The following MECOM variants were observed in gnomAD, a reference collection of about 807,000 sequenced individuals.
MECOM encodes MDS1 and EVI1 complex locus, also known as histone-lysine N-methyltransferase MECOM.
A neutral mutation model predicts 116.3 loss-of-function variants in MECOM; 13 were observed. The observed-to-expected ratio is 0.11, with a 90% CI of 0.07 to 0.18. MECOM has a LOEUF of 0.18. MECOM is among the 10% of genes least tolerant of loss of function. The pLI, the probability that MECOM is intolerant of heterozygous loss-of-function variation, is 1.00. For missense variants in MECOM, 1,299 were observed against 1,509.0 expected (o/e 0.86, Z 2.31); for synonymous variants, 528 against 535.2 (o/e 0.99, Z 0.19).
Position 169,116,123 on chromosome 3 carries a change from A to C in MECOM, c.1749T>G (p.Asp583Glu). The change falls in exon 8 of 17, where the codon GAT becomes GAG. Residue 583 changes from aspartate to glutamate, a missense_variant. Around this residue, in one of 6 missense-constraint regions of MECOM, gnomAD observed 238 missense variants for 273.1 expected, o/e 0.87. Transcript: ENST00000651503. ...ISDQSESSDLDDVSTPSGSDL... is the reference protein window; with the variant it reads ...ISDQSESSDLEDVSTPSGSDL... Reference sequence around the variant, plus strand: ...CACTGCCACTTGGTGTACTGACATCATCAAGGTCACTACTCTCTGACTGGT... The same window carrying C: ...CACTGCCACTTGGTGTACTGACATCCTCAAGGTCACTACTCTCTGACTGGT... The C allele has an allele frequency of 5.0e-6, 8 of 1,614,142 alleles. No homozygotes were observed. The highest frequency in any genetic ancestry group is 6.8e-6 in the Non-Finnish European group (8 of 1,180,020).
At chr3:169,584,546 A>C (rs571851730) in intron 1 of MECOM, among the ~76,000 whole-genome samples, 160 of 146,324 alleles carry the variant, frequency 1.1e-3, no homozygotes, top group African/African-American at 2.1e-3. Flanking sequence ...GCCTGGGCGA[A>C]AGAGCGAAAC....
At chr3:169,412,583 T>C (rs1294108099) in intron 1 of MECOM, among the ~76,000 whole-genome samples, 1 of 152,096 alleles carries the variant, frequency 6.6e-6, no homozygotes, top group South Asian at 2.1e-4. Context: ...AAAACAAGCA[T>C]CTTCCAAAGA....
At chr3:169,368,297 T>C (rs770244987) in intron 2 of MECOM, among the ~76,000 whole-genome samples, 1 of 152,070 alleles carries the variant, frequency 6.6e-6, no homozygotes, top group East Asian at 1.9e-4. Flanking sequence ...AATTTGCCTA[T>C]AGCTGAAATA....
intron 16 of MECOM, among the ~76,000 whole-genome samples, chr3:169,088,752 A>G (rs978629925): frequency 3.9e-5 from 6 of 152,188 alleles, no homozygotes; most frequent in African/African-American, 1.4e-4. Flanking sequence ...TCAAGGAAAG[A>G]TAAGTGTAGG....
intron 1 of MECOM, among the ~76,000 whole-genome samples, chr3:169,533,059 T>G (rs1415648680): frequency 6.6e-6 from 1 of 152,148 alleles, no homozygotes; most frequent in Non-Finnish European, 1.5e-5. Context: ...GTGAAGAAAT[T>G]TGTAATATAT....
intron 1 of MECOM, among the ~76,000 whole-genome samples, chr3:169,598,241 C>T (rs1432348278): frequency 6.6e-6 from 1 of 152,152 alleles, no homozygotes; most frequent in African/African-American, 2.4e-5. Context: ...AATAAACAAG[C>T]AATGTCCTTA....
At chr3:169,143,639 C>T in intron 3 of MECOM, 59 bp downstream of exon 3, 5 of 1,450,366 alleles carry the variant, frequency 3.4e-6, no homozygotes, top group Non-Finnish European at 4.6e-6. Context: ...TTTTATTCTT[C>T]AGGCTCCAGT....
chr3:169,231,504 T>C (rs1490890385), intron 2 of MECOM, among the ~76,000 whole-genome samples: 3 of 151,968 alleles, frequency 2.0e-5, no homozygotes, highest in Non-Finnish European at 4.4e-5. Flanking sequence ...ATGATGAAAT[T>C]AGGAGAAAAA....
chr3:169,259,817 T>G (rs964029574), intron 2 of MECOM, among the ~76,000 whole-genome samples: 1 of 152,256 alleles, frequency 6.6e-6, no homozygotes, highest in African/African-American at 2.4e-5. Context: ...ATGTGTTTGC[T>G]GAAAGCAGGG....
chr3:169,122,107 T>G (rs985980908), intron 6 of MECOM, among the ~76,000 whole-genome samples: 8 of 151,928 alleles, frequency 5.3e-5, no homozygotes, highest in African/African-American at 1.9e-4. Context: ...ACATTTTAAT[T>G]AGAACCAAGT....
Position 169,122,674 on chromosome 3 carries a change from T to C in MECOM, c.884A>G (p.Gln295Arg), listed in dbSNP as rs34896995. The C allele has an allele frequency of 3.6e-3, 5,821 of 1,614,076 alleles. 17 individuals are homozygous for C. The highest frequency in any genetic ancestry group is 4.5e-3 in the Non-Finnish European group (5,316 of 1,179,928). The change falls in exon 6 of 17, where the codon CAG (glutamine) becomes CGG (arginine). Residue 295 changes from glutamine to arginine, a missense_variant. Around this residue, in one of 6 missense-constraint regions of MECOM, gnomAD observed 374 missense variants for 433.4 expected, o/e 0.86. Coordinates refer to ENST00000651503, the MANE Select transcript of MECOM (RefSeq NM_004991.4). The part of the protein sequence containing the change: ...HTEEREYKCD[Q>R]CPKAFNWKSN... ...CTTCCAGTTAAATGCCTTGGGACAC[T>C]GATCACACTTGTATTCCCTCTCTTC...
intron 2 of MECOM, chr3:169,146,154 C>G: frequency 1.0e-6 from 1 of 956,500 alleles, no homozygotes; most frequent in Non-Finnish European, 1.3e-6. Context: ...AAAAAAAAAC[C>G]GTTTAGGTAG....
intron 2 of MECOM, among the ~76,000 whole-genome samples, chr3:169,199,384 G>C (rs1302638361): frequency 6.6e-6 from 1 of 151,886 alleles, no homozygotes; most frequent in African/African-American, 2.4e-5. Flanking sequence ...AAATGGAAGA[G>C]GAAACATGTT....
chr3:169,643,924 C>A (rs1286379884), intron 1 of MECOM, among the ~76,000 whole-genome samples: 1 of 152,174 alleles, frequency 6.6e-6, no homozygotes, highest in Non-Finnish European at 1.5e-5. Flanking sequence ...CCTCTGATAG[C>A]AACAAATGTA....
intron 1 of MECOM, among the ~76,000 whole-genome samples, chr3:169,510,686 C>T (rs1755857099): frequency 6.6e-6 from 1 of 152,186 alleles, no homozygotes; most frequent in African/African-American, 2.4e-5. Context: ...TCTATACTCT[C>T]CTCCCGATAA....
intron 2 of MECOM, among the ~76,000 whole-genome samples, chr3:169,144,325 G>A (rs903145981): frequency 6.6e-6 from 1 of 151,816 alleles, no homozygotes; most frequent in African/African-American, 2.4e-5. Context: ...CTTAATTGAA[G>A]GAGATAATAA....
rs895375579 is a variant in MECOM at position 169,242,446 on chromosome 3, C to G, written c.376-98614G>C. ...ATGTGTGGTCAGTTTCTTGGCAACT[C>G]CACTCTCCGCTGATAACGCTCCTGC... On this transcript the variant is annotated intron_variant, in intron 2 of 16. Transcript: ENST00000651503. Among the ~76,000 whole-genome samples, 7 of 152,152 alleles carry G rather than the reference C, an allele frequency of 4.6e-5. No homozygotes were observed. In the South Asian group the frequency reaches 1.5e-3, roughly 32 times the overall value.
intron 2 of MECOM, among the ~76,000 whole-genome samples, chr3:169,331,915 G>A (rs565516159): frequency 1.3e-5 from 2 of 151,606 alleles, no homozygotes; most frequent in African/African-American, 2.4e-5. Context: ...GTGAGCAAGT[G>A]AGATGCGTAC....
At chr3:169,502,374 C>A (rs749884429) in intron 1 of MECOM, among the ~76,000 whole-genome samples, 4 of 152,096 alleles carry the variant, frequency 2.6e-5, no homozygotes, top group Non-Finnish European at 5.9e-5. Context: ...TGATCTCCAA[C>A]TCCTTGGAGA....
Sources: gnomAD v4.1 joint callset for allele counts (sites outside exome capture counted in the v4.1 genomes callset) on GRCh38, gnomAD v4.1.1 for gene constraint, gnomAD v4.1.1 regional missense constraint, MANE v1.5 for transcripts, NCBI Gene and HGNC (gene_info 2026-07-23, HGNC 2026-07-21) for gene names.